DST: variants seen among roughly 807,000 people sequenced by gnomAD.
DST encodes dystonin.
In DST, 253 loss-of-function variants were observed where a neutral mutation model predicts 875.2. The ratio of observed to expected loss-of-function variants is 0.29; its 90% confidence interval spans 0.26 to 0.32. DST has a LOEUF of 0.32. DST is among the 10% of genes least tolerant of loss of function. DST has a pLI of 1.00. For synonymous variants in DST, 3,124 were observed against 3,197.1 expected (o/e 0.98, Z 0.77); for missense variants, 8,287 against 9,111.6 (o/e 0.91, Z 3.68).
At chr6:56,722,721 A>G (rs2099427206) in intron 5 of DST, among the ~76,000 whole-genome samples, 2 of 152,222 alleles carry the variant, frequency 1.3e-5, no homozygotes, top group Non-Finnish European at 2.9e-5. Flanking sequence ...ACTTTAAAGT[A>G]GTTAAGACTA....
intron 4 of DST, among the ~76,000 whole-genome samples, chr6:56,819,604 A>C: frequency 6.6e-6 from 1 of 152,228 alleles, no homozygotes; most frequent in Admixed American, 6.5e-5. Flanking sequence ...TTTCTTTAAA[A>C]ATTCAATTAT....
At chr6:56,664,807 CAG>C (rs934292763) in intron 10 of DST, among the ~76,000 whole-genome samples, 1 of 152,000 alleles carries the variant, frequency 6.6e-6, no homozygotes, top group Non-Finnish European at 1.5e-5. Flanking sequence ...AGTATACAAA[CAG>C]AACAAGCAGA....
At chr6:56,627,355 A>G (rs1014878369) in intron 33 of DST, 68 bp from the exon 34 acceptor site, 25 of 1,058,942 alleles carry the variant, frequency 2.4e-5, no homozygotes, top group Non-Finnish European at 3.7e-5. Context: ...TAAGATGCTC[A>G]GTAACTAAGA....
chr6:56,586,735 G>A (rs930049178), intron 49 of DST, among the ~76,000 whole-genome samples: 2 of 152,142 alleles, frequency 1.3e-5, no homozygotes, highest in African/African-American at 4.8e-5. Flanking sequence ...TGATCAGACA[G>A]CAGCATTCGC....
chr6:56,766,385 G>A lies in DST; in HGVS notation c.626-31096C>T, dbSNP rs112519375. The stretch of plus-strand genomic sequence containing the variant: ...CCAAGTACTAACCAGGCTAGATGCC[G>A]AGATACAAAGATGGGTAAAAGAAAT... On this transcript the variant is annotated intron_variant, in intron 4 of 103. Transcript: ENST00000680361. Among the ~76,000 whole-genome samples, 161 of 152,236 alleles carry A rather than the reference G, an allele frequency of 1.1e-3. 4 individuals are homozygous for A. Among genetic ancestry groups the A allele is most frequent in the African/African-American group, 3.7e-3 (155 of 41,548 alleles).
At chr6:56,497,274 C>G in intron 82 of DST, 105 bp downstream of exon 82, 1 of 1,335,814 alleles carries the variant, frequency 7.5e-7, no homozygotes, top group Admixed American at 2.1e-5. Flanking sequence ...CTGCCATAAA[C>G]TATATCTTTA....
chr6:56,716,123 ATGAC>A (rs2099393756), intron 5 of DST, among the ~76,000 whole-genome samples: 3 of 152,226 alleles, frequency 2.0e-5, no homozygotes, highest in South Asian at 2.1e-4. Context: ...AGTCTGGTAA[ATGAC>A]TGGCTGGAAA....
chr6:56,949,094 T>C (rs1352315120), intron 2 of DST, among the ~76,000 whole-genome samples: 1 of 152,230 alleles, frequency 6.6e-6, no homozygotes, highest in African/African-American at 2.4e-5. Flanking sequence ...GTTATTACCC[T>C]AGTTCCATTT....
At chr6:56,669,156 AT>A (rs1199393649) in intron 10 of DST, among the ~76,000 whole-genome samples, 5 of 152,068 alleles carry the variant, frequency 3.3e-5, no homozygotes, top group Admixed American at 1.3e-4. Flanking sequence ...CTATATAATT[AT>A]TTTTATTGTA....
At chr6:56,657,266 CTTTTAACTCT>C (rs2099013751) in intron 10 of DST, among the ~76,000 whole-genome samples, 1 of 152,044 alleles carries the variant, frequency 6.6e-6, no homozygotes, top group Non-Finnish European at 1.5e-5. Flanking sequence ...GACAGTGAAC[CTTTTAACTCT>C]TTTTCAGTGT....
At chr6:56,852,723 C>T (rs1005445443) in intron 3 of DST, among the ~76,000 whole-genome samples, 1 of 152,224 alleles carries the variant, frequency 6.6e-6, no homozygotes, top group African/African-American at 2.4e-5. Flanking sequence ...AATTCTACTT[C>T]GCTGAGACTC....
intron 67 of DST, among the ~76,000 whole-genome samples, chr6:56,528,186 T>C (rs1477273887): frequency 1.3e-5 from 2 of 152,226 alleles, no homozygotes; most frequent in Non-Finnish European, 2.9e-5. Flanking sequence ...ACCTCATTTT[T>C]TGACACACAG....
At chr6:56,667,995 G>T (rs1467262029) in intron 10 of DST, among the ~76,000 whole-genome samples, 1 of 151,764 alleles carries the variant, frequency 6.6e-6, no homozygotes, top group Non-Finnish European at 1.5e-5. Flanking sequence ...CAAATTCCTG[G>T]CCTCAAGCAA....
intron 9 of DST, among the ~76,000 whole-genome samples, chr6:56,697,161 C>G (rs557579851): frequency 1.9e-4 from 29 of 152,092 alleles, no homozygotes; most frequent in African/African-American, 4.6e-4. Flanking sequence ...GTTTCGTAAT[C>G]TCTCAGGCTA....
At chr6:56,770,011 A>C (rs2099645951) in intron 4 of DST, among the ~76,000 whole-genome samples, 2 of 152,188 alleles carry the variant, frequency 1.3e-5, no homozygotes, top group Non-Finnish European at 2.9e-5. Context: ...ATTTTGGCTA[A>C]AGAGTTATTT....
At chr6:56,556,928 C>A (rs1184038006) in intron 59 of DST, among the ~76,000 whole-genome samples, 1 of 152,090 alleles carries the variant, frequency 6.6e-6, no homozygotes, top group African/African-American at 2.4e-5. Context: ...CTACCACAAT[C>A]AAAATAAATA....
At chr6:56,892,835 C>A (rs549576747) in intron 3 of DST, among the ~76,000 whole-genome samples, 2 of 152,218 alleles carry the variant, frequency 1.3e-5, no homozygotes, top group East Asian at 3.9e-4. Context: ...CGCCAGATGC[C>A]AGGAGATATT....
intron 67 of DST, among the ~76,000 whole-genome samples, chr6:56,528,338 C>T (rs1261002676): frequency 6.6e-6 from 1 of 152,090 alleles, no homozygotes; most frequent in East Asian, 1.9e-4. Context: ...ATTCCTATGG[C>T]CAAAGGAATC....
chr6:56,553,648 A>G lies in DST; in HGVS notation c.15144T>C (p.His5048=). The G allele has an allele frequency of 2.5e-6, 4 of 1,609,594 alleles. No individual in the cohort carries two copies. The highest frequency in any genetic ancestry group is 3.4e-6 in the Non-Finnish European group (4 of 1,178,820). Residue 5048 remains histidine, a synonymous_variant, in exon 61 of 104, where the codon CAT becomes CAC. Transcript: ENST00000680361. ...FKDVEQKAEN[H]VQHLQSACAS... Reference sequence around the variant, plus strand: ...CACAGGCCGACTGAAGGTGCTGGACATGATTCTCTAGAAATAAAATTACAA... The same window carrying G: ...CACAGGCCGACTGAAGGTGCTGGACGTGATTCTCTAGAAATAAAATTACAA...
Sources: gnomAD v4.1 joint callset for allele counts (sites outside exome capture counted in the v4.1 genomes callset) on GRCh38, gnomAD v4.1.1 for gene constraint, MANE v1.5 for transcripts, NCBI Gene and HGNC (gene_info 2026-07-23, HGNC 2026-07-21) for gene names.